SCFD2: variants seen among roughly 807,000 people sequenced by gnomAD.
The protein encoded by SCFD2 is sec1 family domain-containing protein 2.
Under a neutral mutation model 58.9 loss-of-function variants are expected in SCFD2, and 54 were observed. The observed-to-expected ratio is 0.92, with a 90% CI of 0.74 to 1.15. The LOEUF is 1.15. SCFD2 is among the 50% of genes most tolerant of loss of function. The pLI is 0.00. For synonymous variants in SCFD2, 321 were observed against 335.9 expected (o/e 0.96, Z 0.49); for missense variants, 805 against 836.6 (o/e 0.96, Z 0.47).
rs1733190059 is a variant in SCFD2 at position 53,326,153 on chromosome 4, TTTTA to T, written c.1008-12394_1008-12391del. On this transcript the variant is annotated intron_variant, in intron 2 of 8. Transcript: ENST00000401642. ...ATTTTATTTATTTTATTTTATTTTA[TTTTA>T]TTTGAGACAGGGTCTCGCTCTGTCA... Among the ~76,000 whole-genome samples, 6 of 151,272 alleles carry T rather than the reference TTTTA, an allele frequency of 4.0e-5. No individual in the cohort carries two copies. The South Asian group carries it at 1.2e-3, about 31-fold the overall frequency.
intron 8 of SCFD2, among the ~76,000 whole-genome samples, chr4:52,882,786 G>A (rs374106860): frequency 6.6e-5 from 10 of 152,204 alleles, no homozygotes; most frequent in African/African-American, 2.4e-4. Context: ...TCAGTCAATA[G>A]TCCTTAATAA....
chr4:53,110,272 C>T (rs972597850), intron 5 of SCFD2, among the ~76,000 whole-genome samples: 9 of 152,126 alleles, frequency 5.9e-5, no homozygotes, highest in Admixed American at 5.9e-4. Flanking sequence ...AATGTAAGAC[C>T]TAACACCATA....
At chr4:53,180,529 A>C (rs868085901) in intron 4 of SCFD2, among the ~76,000 whole-genome samples, 1 of 152,222 alleles carries the variant, frequency 6.6e-6, no homozygotes, top group African/African-American at 2.4e-5. Context: ...TATAGCACTA[A>C]ATGCCCACAA....
At chr4:53,236,839 TA>T (rs1235775389) in intron 4 of SCFD2, among the ~76,000 whole-genome samples, 2 of 150,294 alleles carry the variant, frequency 1.3e-5, no homozygotes, top group African/African-American at 2.4e-5. Context: ...TTTATTTATT[TA>T]TTTATTTATT....
chr4:53,281,544 T>C (rs553591808), intron 3 of SCFD2, among the ~76,000 whole-genome samples: 21 of 152,334 alleles, frequency 1.4e-4, no homozygotes, highest in African/African-American at 4.1e-4. Flanking sequence ...GTATGCCAGA[T>C]GGCTTATGAG....
rs554405460 is a variant in SCFD2 at position 53,269,476 on chromosome 4, C to A, written c.1311+4350G>T. Among the ~76,000 whole-genome samples the A allele has an allele frequency of 9.9e-5, 15 of 152,182 alleles. No homozygotes were observed. In the South Asian group the frequency reaches 2.9e-3, roughly 29 times the overall value. Reference sequence around the variant, plus strand: ...GTGAGTAATTTAAAATCACCTCTGACAGAAGATAAATCAAAGCGATAAAGA... The same window carrying A: ...GTGAGTAATTTAAAATCACCTCTGAAAGAAGATAAATCAAAGCGATAAAGA... On this transcript the variant is annotated intron_variant, in intron 4 of 8. Transcript: ENST00000401642.
chr4:52,938,608 C>T (rs448567), intron 5 of SCFD2, among the ~76,000 whole-genome samples: 10,013 of 152,012 alleles, frequency 0.066, 1,089 homozygotes, highest in African/African-American at 0.23. Context: ...TTGTGATGAA[C>T]CCTTAAAATT....
chr4:52,920,970 TC>T, intron 5 of SCFD2, 100 bp from the exon 6 acceptor site: 1 of 521,248 alleles, frequency 1.9e-6, no homozygotes, highest in Non-Finnish European at 3.1e-6. Flanking sequence ...TTTTTTTTTT[TC>T]TTTATTATTA....
chr4:53,029,400 A>C (rs1722560839), intron 5 of SCFD2, among the ~76,000 whole-genome samples: 1 of 152,242 alleles, frequency 6.6e-6, no homozygotes, highest in Non-Finnish European at 1.5e-5. Context: ...TCAGAGGCCC[A>C]GAAAGCAAGA....
intron 4 of SCFD2, among the ~76,000 whole-genome samples, chr4:53,241,758 T>A (rs1409927838): frequency 6.6e-6 from 1 of 152,086 alleles, no homozygotes; most frequent in Non-Finnish European, 1.5e-5. Context: ...TCCCTCCCCC[T>A]CCTCCTGCTG....
At position 52,911,046 on chromosome 4, in the gene SCFD2, C is replaced by T. The variant is rs1238395044; in HGVS notation, c.1708-3455G>A. On this transcript the variant is annotated intron_variant, in intron 6 of 8. Transcript: ENST00000401642. ...AGAACGGACTAATGCAACCCCTTAA[C>T]CCATAAAAAAAAAAAATAGATTGTC... is the stretch of plus-strand genomic sequence containing the variant. Among the ~76,000 whole-genome samples the T allele has an allele frequency of 2.0e-5, 3 of 151,440 alleles. No individual in the cohort carries two copies. The South Asian group carries it at 6.3e-4, about 32-fold the overall frequency.
At chr4:53,083,639 T>C (rs1724215209) in intron 5 of SCFD2, among the ~76,000 whole-genome samples, 2 of 152,160 alleles carry the variant, frequency 1.3e-5, no homozygotes, top group South Asian at 4.1e-4. Flanking sequence ...TCAACATAGG[T>C]TCTTTCTATT....
intron 4 of SCFD2, among the ~76,000 whole-genome samples, chr4:53,149,375 G>T (rs1726436347): frequency 6.6e-6 from 1 of 152,156 alleles, no homozygotes; most frequent in South Asian, 2.1e-4. Flanking sequence ...ACCAAAGCTG[G>T]AACAACATGA....
At chr4:53,166,535 A>G (rs1176126382) in intron 4 of SCFD2, among the ~76,000 whole-genome samples, 7 of 152,230 alleles carry the variant, frequency 4.6e-5, no homozygotes, top group Non-Finnish European at 8.8e-5. Flanking sequence ...ACATAAAAAA[A>G]GAGACAAATT....
chr4:53,006,143 C>G (rs1721966497), intron 5 of SCFD2, among the ~76,000 whole-genome samples: 1 of 152,228 alleles, frequency 6.6e-6, no homozygotes, highest in Non-Finnish European at 1.5e-5. Flanking sequence ...CCAGTCATTC[C>G]TCATCACTCC....
At chr4:53,295,094 T>A (rs1364233380) in intron 3 of SCFD2, among the ~76,000 whole-genome samples, 2 of 152,220 alleles carry the variant, frequency 1.3e-5, no homozygotes, top group Admixed American at 1.3e-4. Context: ...CTTTGTTCTT[T>A]TTGCTTAGGA....
At chr4:53,092,381 G>T (rs1724497274) in intron 5 of SCFD2, among the ~76,000 whole-genome samples, 1 of 151,918 alleles carries the variant, frequency 6.6e-6, no homozygotes, top group African/African-American at 2.4e-5. Flanking sequence ...AAAACAGTTG[G>T]GCAATTTCTT....
intron 2 of SCFD2, among the ~76,000 whole-genome samples, chr4:53,320,060 A>T (rs973745344): frequency 6.6e-6 from 1 of 152,242 alleles, no homozygotes; most frequent in African/African-American, 2.4e-5. Flanking sequence ...CATAGGCAGC[A>T]TGACTATATT....
chr4:53,099,419 T>A lies in SCFD2; in HGVS notation c.1561+45914A>T, dbSNP rs141530564. Among the ~76,000 whole-genome samples the A allele has an allele frequency of 4.1e-3, 630 of 152,320 alleles. 2 individuals are homozygous for A. Among genetic ancestry groups the A allele is most frequent in the African/African-American group, 0.014 (594 of 41,574 alleles). On this transcript the variant is annotated intron_variant, in intron 5 of 8. Transcript: ENST00000401642. ...AATGGGTAGTAATCTTTTGAGGGCA[T>A]CTTAGCCTACTTTGTGTTGCTATGA...
Sources: gnomAD v4.1 joint callset for allele counts (sites outside exome capture counted in the v4.1 genomes callset) on GRCh38, gnomAD v4.1.1 for gene constraint, MANE v1.5 for transcripts, NCBI Gene and HGNC (gene_info 2026-07-23, HGNC 2026-07-21) for gene names.